WNT5B: variants seen among roughly 807,000 people sequenced by gnomAD.
The protein encoded by WNT5B is Wnt family member 5B.
Under a neutral mutation model 36.5 loss-of-function variants are expected in WNT5B, and 18 were observed. That is an observed-to-expected ratio of 0.49 (90% CI 0.34 to 0.73). WNT5B has a LOEUF of 0.73. Ranked by LOEUF, WNT5B falls within the 30% of genes least tolerant of loss-of-function variation. The pLI is 0.01. For missense variants in WNT5B, 424 were observed against 508.4 expected (o/e 0.83, Z 1.60); for synonymous variants, 213 against 212.3 (o/e 1.00, Z -0.03).
rs1565607084 is a variant in WNT5B, at chr12:1,632,608, G to GT, written c.81-49dup. Reference sequence around the variant, plus strand: ...GAATGACTTAATGCTGCACACAGGCGTATGCTCACTCCTGGGCCTTTTTTT... The same window carrying GT: ...GAATGACTTAATGCTGCACACAGGCGTTATGCTCACTCCTGGGCCTTTTTTT... On this transcript the variant is annotated intron_variant, in intron 2 of 4. Coordinates refer to ENST00000397196, the MANE Select transcript of WNT5B (RefSeq NM_032642.3). The surrounding 1 kb of genome is among the most constrained non-coding windows in gnomAD (Gnocchi z 5.8). 1.3e-6 allele frequency: 2 copies of GT among 1,560,422 alleles called. No homozygotes were observed. Among genetic ancestry groups the GT allele is most frequent in the Non-Finnish European group, 8.7e-7 (1 of 1,146,790 alleles).
rs1390612751 is a variant in WNT5B at position 1,633,953 on chromosome 12, C to A, written c.328+1048C>A. Among the ~76,000 whole-genome samples the A allele has an allele frequency of 6.6e-6, 1 of 152,194 alleles. No individual in the cohort carries two copies. Among genetic ancestry groups the A allele is most frequent in the East Asian group, 1.9e-4 (1 of 5,200 alleles). ...CAATGCAGTAGCTCACGCCTGTAATCCCAGCACCTTGGGAGGCTGAGGCAG... is the reference window on the plus strand; with the variant it reads ...CAATGCAGTAGCTCACGCCTGTAATACCAGCACCTTGGGAGGCTGAGGCAG... On this transcript the variant is annotated intron_variant, in intron 3 of 4. Coordinates refer to ENST00000397196, the MANE Select transcript of WNT5B (RefSeq NM_032642.3). The surrounding 1 kb of genome is among the most constrained non-coding windows in gnomAD (Gnocchi z 4.8).
chr12:1,628,187 T>C (rs2094543867), upstream of WNT5B, among the ~76,000 whole-genome samples: 1 of 151,712 alleles, frequency 6.6e-6, no homozygotes, highest in Admixed American at 6.6e-5. Context: ...GATGGAGTCT[T>C]GCTCTGTCAC....
At chr12:1,640,364 T>C (rs1315109317) in intron 4 of WNT5B, among the ~76,000 whole-genome samples, 1 of 152,186 alleles carries the variant, frequency 6.6e-6, no homozygotes, top group African/African-American at 2.4e-5. Flanking sequence ...AGACCTCATC[T>C]AGGGTTTATG....
In WNT5B at chr12:1,646,266, C is replaced by T. The variant is rs2094585545; in HGVS notation, c.*14C>T. On this transcript the variant is annotated 3_prime_UTR_variant, in exon 5 of 5. Coordinates refer to ENST00000397196, the MANE Select transcript of WNT5B (RefSeq NM_032642.3). ...ATCTGTAAATAGCCCGGAGGGCCTG[C>T]TCCCGGCCCCCCTGCACTCTGCCTC... The T allele has an allele frequency of 6.3e-7, 1 of 1,596,866 alleles. No individual in the cohort carries two copies. Among genetic ancestry groups the T allele is most frequent in the Admixed American group, 1.7e-5 (1 of 58,886 alleles).
chr12:1,634,116 T>C (rs1011703530), intron 3 of WNT5B, among the ~76,000 whole-genome samples: 1 of 152,164 alleles, frequency 6.6e-6, no homozygotes, highest in African/African-American at 2.4e-5. Flanking sequence ...AACTTGCTGC[T>C]CTCTTGCTTC....
chr12:1,623,187 G>GTT (rs771500550), intron 1 of WNT5B, among the ~76,000 whole-genome samples: 723 of 58,326 alleles, frequency 0.012, 169 homozygotes, highest in African/African-American at 0.024. Flanking sequence ...GTTTTTTGTT[G>GTT]TTTTTTTTTT....
chr12:1,630,346 T>G lies in WNT5B; in HGVS notation c.-57-952T>G, dbSNP rs2094548133. The G allele has an allele frequency of 1.7e-6, 1 of 584,268 alleles. No individual in the cohort carries two copies. The allele number at this position is 584,268 out of a possible 1,614,324, so 36.2% of individuals were successfully genotyped here. On this transcript the variant is annotated intron_variant, in intron 1 of 4. Transcript: ENST00000397196. The surrounding 1 kb of genome is among the most constrained non-coding windows in gnomAD (Gnocchi z 5.3). ...AGGCGCAGGCTCGCTCTAGCAGCAC[T>G]GACCTGCTGCGGGTCCCAGGGCCTG...
intron 1 of WNT5B, among the ~76,000 whole-genome samples, chr12:1,623,605 A>G (rs1044966647): frequency 3.3e-5 from 5 of 152,204 alleles, no homozygotes; most frequent in African/African-American, 9.6e-5. Context: ...CTATCGAAGT[A>G]AGAGCCTTTC....
Position 1,646,243 on chromosome 12 carries a change from C to A in WNT5B, c.1071C>A (p.Ile357=). ...GCACGGAGATCGTGGACCAGTACAT[C>A]TGTAAATAGCCCGGAGGGCCTGCTC... ...KKCTEIVDQY[I]CK Residue 357 remains isoleucine, a synonymous_variant, in exon 5 of 5, where the codon ATC becomes ATA. Coordinates refer to ENST00000397196, the MANE Select transcript of WNT5B (RefSeq NM_032642.3). The A allele has an allele frequency of 6.2e-7, 1 of 1,609,588 alleles. No homozygotes were observed. The highest frequency in any genetic ancestry group is 8.5e-7 in the Non-Finnish European group (1 of 1,177,256).
At chr12:1,627,738 C>T (rs527960185), upstream of WNT5B, among the ~76,000 whole-genome samples, 2 of 152,214 alleles carry the variant, frequency 1.3e-5, no homozygotes, top group African/African-American at 4.8e-5. The surrounding 1 kb of genome is among the most constrained non-coding windows in gnomAD (Gnocchi z 5.0). Context: ...GGTGTAGCAT[C>T]GTTACATCCC....
At chr12:1,634,721 A>G (rs2094557365) in intron 3 of WNT5B, among the ~76,000 whole-genome samples, 2 of 151,946 alleles carry the variant, frequency 1.3e-5, no homozygotes, top group South Asian at 4.2e-4. Flanking sequence ...CCCTCTCCCT[A>G]TCTTGAGAAG....
chr12:1,639,538 GCGTTAGAGCTA>G, intron 3 of WNT5B, 135 bp from the exon 4 acceptor site: 1 of 826,944 alleles, frequency 1.2e-6, no homozygotes, highest in Non-Finnish European at 1.8e-6. Context: ...ACGTTTCCAA[GCGTTAGAGCTA>G]CGGGAAGCGA....
chr12:1,638,173 G>T (rs1447356908), intron 3 of WNT5B, among the ~76,000 whole-genome samples: 3 of 152,198 alleles, frequency 2.0e-5, no homozygotes, highest in Non-Finnish European at 4.4e-5. Context: ...GTGAACCCGT[G>T]AGGCGGAGCT....
At chr12:1,621,209 T>C (rs1329220534) in intron 1 of WNT5B, among the ~76,000 whole-genome samples, 1 of 151,824 alleles carries the variant, frequency 6.6e-6, no homozygotes, top group African/African-American at 2.4e-5. Context: ...ACCTTGGCAA[T>C]TGATTTGACG....
upstream of WNT5B, among the ~76,000 whole-genome samples, chr12:1,625,093 G>C (rs975872408): frequency 1.3e-5 from 2 of 152,108 alleles, no homozygotes; most frequent in African/African-American, 4.8e-5. Context: ...TTTGTTCTAG[G>C]AGTAGAAGGA....
intron 1 of WNT5B, among the ~76,000 whole-genome samples, chr12:1,619,269 T>C (rs1472537634): frequency 6.6e-6 from 1 of 152,096 alleles, no homozygotes; most frequent in African/African-American, 2.4e-5. Flanking sequence ...CCCCGCCCAA[T>C]TTTTTATTTT....
rs3803164 is a variant in WNT5B at position 1,646,488 on chromosome 12, C to T, written c.*236C>T. On this transcript the variant is annotated 3_prime_UTR_variant, in exon 5 of 5. Transcript: ENST00000397196. ...GACAGGGCTTTTTCTCTCCCTCTGG[C>T]GAGGACTCTCAGGATGTAGGGACTT... is the stretch of plus-strand genomic sequence containing the variant. 0.65 allele frequency: 174,598 copies of T among 267,882 alleles called. 57,714 individuals are homozygous for T. The highest frequency in any genetic ancestry group is 0.71 in the East Asian group (9,982 of 14,150). 16.6% of individuals were successfully genotyped at this position (267,882 alleles called of 1,614,324 possible).
At chr12:1,622,154 A>G (rs1375443296) in intron 1 of WNT5B, among the ~76,000 whole-genome samples, 1 of 127,894 alleles carries the variant, frequency 7.8e-6, no homozygotes, top group Admixed American at 9.9e-5. Context: ...TCTGTCGCCC[A>G]GGCTGGAGTG....
rs753557943 is a variant in WNT5B at position 1,632,690 on chromosome 12, A to C, written c.113A>C (p.Glu38Ala). 5.0e-6 allele frequency: 8 copies of C among 1,610,216 alleles called. No individual in the cohort carries two copies. The South Asian group carries it at 7.7e-5, about 15-fold the overall frequency. The stretch of plus-strand genomic sequence containing the variant: ...GCTTTGAACCCGGTGCAGAGACCCG[A>C]GATGTTTATCATCGGTGCCCAGCCC... Reference protein sequence around the residue: ...SLALNPVQRPEMFIIGAQPVC... With the variant: ...SLALNPVQRPAMFIIGAQPVC... Residue 38 changes from glutamate to alanine, a missense_variant, in exon 3 of 5, where the codon GAG (glutamate) becomes GCG (alanine). Transcript: ENST00000397196. This position sits in a 1 kb window ranked among gnomAD's most constrained non-coding sequence, Gnocchi z 5.8.
Sources: allele counts gnomAD v4.1 joint callset (sites outside exome capture counted in the v4.1 genomes callset), GRCh38; gene constraint gnomAD v4.1.1; non-coding constraint Gnocchi (gnomAD v3.1); transcripts MANE v1.5; gene names NCBI Gene and HGNC (gene_info 2026-07-23, HGNC 2026-07-21).